The following KCNK15 variants were observed in gnomAD, a reference collection of about 807,000 sequenced individuals.
KCNK15 encodes potassium channel subfamily K member 15.
KCNK15 carries 9 observed loss-of-function variants against 8.5 expected under a neutral mutation model. That is an observed-to-expected ratio of 1.06 (90% confidence interval 0.64 to 1.85). The LOEUF is 1.85. Ranked by LOEUF, KCNK15 falls within the 40% of genes most tolerant of loss-of-function variation. KCNK15 has a pLI of 0.00. For synonymous variants in KCNK15, 224 were observed against 232.7 expected (o/e 0.96, Z 0.34); for missense variants, 467 against 476.8 (o/e 0.98, Z 0.19).
rs1160394065 is a variant in KCNK15, at chr20:44,746,052, C to T, written c.142C>T (p.Leu48Phe). 3.9e-6 allele frequency: 6 copies of T among 1,550,862 alleles called. No homozygotes were observed. The highest frequency in any genetic ancestry group is 3.5e-6 in the Non-Finnish European group (4 of 1,147,560). The change falls in exon 1 of 2, where the codon CTC (leucine) becomes TTC (phenylalanine). Residue 48 changes from leucine to phenylalanine, a missense_variant. By Grantham distance (22) the Leu-to-Phe change is conservative. Transcript: ENST00000372861. ...QRLLVQKRGALRRKFGFSAED... is the reference protein window; with the variant it reads ...QRLLVQKRGAFRRKFGFSAED... ...ACTGCTGGTCCAGAAGCGGGGCGCT[C>T]TCCGGAGGAAGTTCGGCTTCTCGGC... is the stretch of plus-strand genomic sequence containing the variant.
At chr20:44,747,898 G>A (rs893118316) in intron 1 of KCNK15, among the ~76,000 whole-genome samples, 2 of 152,110 alleles carry the variant, frequency 1.3e-5, no homozygotes, top group African/African-American at 4.8e-5. Context: ...CAGGCCCATG[G>A]AGGGTGCTGG....
At position 44,746,008 on chromosome 20, in the gene KCNK15, C is replaced by A. The variant is rs202187957; in HGVS notation, c.98C>A (p.Ala33Glu). ...GTCTTCGACGCGCTCGAGTCCGAGGCGGAAAGCGGCCGCCAGCGACTGCTG... is the reference window on the plus strand; with the variant it reads ...GTCTTCGACGCGCTCGAGTCCGAGGAGGAAAGCGGCCGCCAGCGACTGCTG... ...AAVFDALESEAESGRQRLLVQ... is the reference protein window; with the variant it reads ...AAVFDALESEEESGRQRLLVQ... Residue 33 changes from alanine (A) to glutamate (E), a missense_variant, in exon 1 of 2, where the codon GCG becomes GAG. Physicochemically the swap from Ala to Glu is moderately radical, Grantham distance 107. Coordinates refer to ENST00000372861, the MANE Select transcript of KCNK15 (RefSeq NM_022358.4). 1 of 1,534,396 alleles carries A rather than the reference C, an allele frequency of 6.5e-7. No individual in the cohort carries two copies. The highest frequency in any genetic ancestry group is 1.2e-5 in the South Asian group (1 of 82,144).
Position 44,751,165 on chromosome 20 carries a change from C to G in KCNK15, c.*327C>G, listed in dbSNP as rs6073540. ...GAGCCGACCCTCCAGAGCAACTTTTCTGTTGTGAAGAGGCTGGTTTTCTGA... is the reference window on the plus strand; with the variant it reads ...GAGCCGACCCTCCAGAGCAACTTTTGTGTTGTGAAGAGGCTGGTTTTCTGA... On this transcript the variant is annotated 3_prime_UTR_variant, in exon 2 of 2. Coordinates refer to ENST00000372861, the MANE Select transcript of KCNK15 (RefSeq NM_022358.4). The G allele has an allele frequency of 4.8e-6, 1 of 208,556 alleles. No homozygotes were observed. Among genetic ancestry groups the G allele is most frequent in the East Asian group, 1.0e-4 (1 of 9,834 alleles). 12.9% of individuals were successfully genotyped at this position (208,556 alleles called of 1,614,324 possible). A position where few individuals can be genotyped will look rare whatever the true frequency, so the allele number is the denominator to read the frequency against.
Position 44,750,249 on chromosome 20 carries a change from T to G in KCNK15, c.404T>G (p.Val135Gly). ...FQSLGERLNA[V>G]VRRLLLAAKC... The stretch of plus-strand genomic sequence containing the variant: ...AGCCTGGGCGAACGGCTGAACGCGG[T>G]GGTGCGGCGCCTCCTGTTGGCGGCC... The change falls in exon 2 of 2, where the codon GTG (valine) becomes GGG (glycine). Residue 135 changes from valine to glycine, a missense_variant. Transcript: ENST00000372861. 6.2e-7 allele frequency: 1 copy of G among 1,608,752 alleles called. No individual in the cohort carries two copies. The highest frequency in any genetic ancestry group is 8.5e-7 in the Non-Finnish European group (1 of 1,178,202).
Position 44,750,980 on chromosome 20 carries a change from C to A in KCNK15, c.*142C>A. On this transcript the variant is annotated 3_prime_UTR_variant, in exon 2 of 2. Transcript: ENST00000372861. ...AGCAGTTTCTCATTACTGTCTGTGG[C>A]TAAGTCCCCTCCCTCCTTTCCAAAA... The A allele has an allele frequency of 1.9e-6, 1 of 532,886 alleles. No homozygotes were observed. Among genetic ancestry groups the A allele is most frequent in the Non-Finnish European group, 3.1e-6 (1 of 326,536 alleles). The allele number at this position is 532,886 out of a possible 1,614,324, so 33.0% of individuals were successfully genotyped here. A position where few individuals can be genotyped will look rare whatever the true frequency, so the allele number is the denominator to read the frequency against.
At chr20:44,749,009 T>C (rs991862626) in intron 1 of KCNK15, among the ~76,000 whole-genome samples, 5 of 152,354 alleles carry the variant, frequency 3.3e-5, no homozygotes, top group African/African-American at 1.2e-4. Flanking sequence ...CAGGCCCCTT[T>C]GGATGGACAC....
At chr20:44,746,671 C>T (rs1275598959) in intron 1 of KCNK15, 1 of 154,870 alleles carries the variant, frequency 6.5e-6, no homozygotes, top group African/African-American at 2.4e-5. Context: ...ATTCAGGAGA[C>T]AGACTATGCA....
At chr20:44,747,722 C>T (rs1051049126) in intron 1 of KCNK15, among the ~76,000 whole-genome samples, 6 of 152,250 alleles carry the variant, frequency 3.9e-5, no homozygotes, top group Admixed American at 6.5e-5. Flanking sequence ...TGGTCTAGTC[C>T]GCTGAAGCCA....
Position 44,750,688 on chromosome 20 carries a change from C to G in KCNK15, c.843C>G (p.Ala281=). The change falls in exon 2 of 2, where the codon GCC becomes GCG. Residue 281 remains alanine, a synonymous_variant. Coordinates refer to ENST00000372861, the MANE Select transcript of KCNK15 (RefSeq NM_022358.4). ...GCCTCTGGCTGCCCCGCCGCCCGGC[C>G]CGCTCCGTGGGCTCCGCCTCTGTCT... ...SRGLWLPRRP[A]RSVGSASVFC... is the part of the protein sequence containing the mutation. The G allele has an allele frequency of 6.7e-7, 1 of 1,492,404 alleles. No homozygotes were observed. Among genetic ancestry groups the G allele is most frequent in the Non-Finnish European group, 8.9e-7 (1 of 1,128,490 alleles). 92.4% of individuals were successfully genotyped at this position (1,492,404 alleles called of 1,614,324 possible).
At chr20:44,746,311 C>A (rs1972032552) in intron 1 of KCNK15, 118 bp downstream of exon 1, 3 of 944,636 alleles carry the variant, frequency 3.2e-6, no homozygotes, top group Non-Finnish European at 4.2e-6. Flanking sequence ...CGGGTCATTT[C>A]GGCTCACCGA....
At chr20:44,747,322 T>C (rs1471607658) in intron 1 of KCNK15, 1 of 152,208 alleles carries the variant, frequency 6.6e-6, no homozygotes, top group Non-Finnish European at 1.5e-5. Flanking sequence ...ACTGGGTGAC[T>C]GCCAGGTTTC....
rs767897160 is a variant in KCNK15 at position 44,750,123 on chromosome 20, G to T, written c.284-6G>T. The T allele has an allele frequency of 1.2e-6, 2 of 1,600,682 alleles. No individual in the cohort carries two copies. Among genetic ancestry groups the T allele is most frequent in the South Asian group, 2.2e-5 (2 of 89,918 alleles). ...CACAGCCCTCCCCTCCGCTCTCCCT[G>T]CATAGAGTACGGCCACGCCGCGCCG... On this transcript the variant is annotated splice_polypyrimidine_tract_variant and splice_region_variant and intron_variant, in intron 1 of 1. Transcript: ENST00000372861.
At position 44,750,621 on chromosome 20, in the gene KCNK15, G is replaced by GC. The variant is rs769563104; in HGVS notation, c.777dup (p.Thr260HisfsTer102). The GC allele has an allele frequency of 6.7e-5, 107 of 1,590,346 alleles. No individual in the cohort carries two copies. In the East Asian group the frequency reaches 2.0e-3, roughly 29 times the overall value. On this transcript the variant is annotated frameshift_variant, in exon 2 of 2. Transcript: ENST00000372861. LOFTEE classifies it low-confidence loss of function (END_TRUNC). ...GCCGACTGGCCCGAGCGCGCTGCCC[G>GC]CACCCCCAGCCCGCGCCCCCCGGGG...
chr20:44,751,029 C>A lies in KCNK15; in HGVS notation c.*191C>A. On this transcript the variant is annotated 3_prime_UTR_variant, in exon 2 of 2. Transcript: ENST00000372861. ...AAATATATTACAGTCACACCATAAG[C>A]ACAAACCAGGCTCCAGGGTCACCCT... 4.7e-6 allele frequency: 2 copies of A among 425,960 alleles called. No homozygotes were observed. The highest frequency in any genetic ancestry group is 1.2e-4 in the South Asian group (2 of 16,056). 26.4% of individuals were successfully genotyped at this position (425,960 alleles called of 1,614,324 possible).
rs745470934 is a variant in KCNK15, at chr20:44,750,134, G to A, written c.289G>A (p.Gly97Ser). 2 of 1,606,376 alleles carry A rather than the reference G, an allele frequency of 1.2e-6. No individual in the cohort carries two copies. Among genetic ancestry groups the A allele is most frequent in the Admixed American group, 1.7e-5 (1 of 59,858 alleles). The change falls in exon 2 of 2, where the codon GGC becomes AGC. Residue 97 changes from glycine (G) to serine (S), a missense_variant. Coordinates refer to ENST00000372861, the MANE Select transcript of KCNK15 (RefSeq NM_022358.4). ...AITVITTIEY[G>S]HAAPGTDSGK... ...CCTCCGCTCTCCCTGCATAGAGTAC[G>A]GCCACGCCGCGCCGGGTACGGACTC...
chr20:44,746,337 T>TTCGCCTCCC, intron 1 of KCNK15, 144 bp downstream of exon 1: 1 of 680,182 alleles, frequency 1.5e-6, no homozygotes, highest in Non-Finnish European at 2.1e-6. Flanking sequence ...CCTCATCTCC[T>TTCGCCTCCC]TCGCCTCCCT....
Position 44,750,400 on chromosome 20 carries a change from C to T in KCNK15, c.555C>T (p.Thr185=). 1 of 1,613,992 alleles carries T rather than the reference C, an allele frequency of 6.2e-7. No homozygotes were observed. Among genetic ancestry groups the T allele is most frequent in the Non-Finnish European group, 8.5e-7 (1 of 1,179,900 alleles). The change falls in exon 2 of 2, where the codon ACC becomes ACT. Residue 185 remains threonine (T), a synonymous_variant. Coordinates refer to ENST00000372861, the MANE Select transcript of KCNK15 (RefSeq NM_022358.4). ...CCTTCTCGCACTTCGAGGGCTGGAC[C>T]TTCTTCCACGCCTACTACTACTGCT... ...AVAFSHFEGW[T]FFHAYYYCFI... is the part of the protein sequence containing the mutation.
At position 44,751,011 on chromosome 20, in the gene KCNK15, T is replaced by C. The variant is rs2066029622; in HGVS notation, c.*173T>C. ...CCCCTCCCTCCTTTCCAAAAATATATTACAGTCACACCATAAGCACAAACC... is the reference window on the plus strand; with the variant it reads ...CCCCTCCCTCCTTTCCAAAAATATACTACAGTCACACCATAAGCACAAACC... On this transcript the variant is annotated 3_prime_UTR_variant, in exon 2 of 2. Coordinates refer to ENST00000372861, the MANE Select transcript of KCNK15 (RefSeq NM_022358.4). 1 of 467,548 alleles carries C rather than the reference T, an allele frequency of 2.1e-6. No homozygotes were observed. Among genetic ancestry groups the C allele is most frequent in the Non-Finnish European group, 3.7e-6 (1 of 273,446 alleles). The allele number at this position is 467,548 out of a possible 1,614,324, so 29.0% of individuals were successfully genotyped here. A position where few individuals can be genotyped will look rare whatever the true frequency, so the allele number is the denominator to read the frequency against.
At chr20:44,748,021 T>C (rs773053863) in intron 1 of KCNK15, among the ~76,000 whole-genome samples, 3 of 152,210 alleles carry the variant, frequency 2.0e-5, no homozygotes, top group Non-Finnish European at 4.4e-5. Context: ...AATAACAACA[T>C]GTCATATAGT....
Sources: allele counts gnomAD v4.1 joint callset (sites outside exome capture counted in the v4.1 genomes callset), GRCh38; gene constraint gnomAD v4.1.1; transcripts MANE v1.5; gene names NCBI Gene and HGNC (gene_info 2026-07-23, HGNC 2026-07-21).